SDK1: variants seen among roughly 807,000 people sequenced by gnomAD.
SDK1 encodes the protein protein sidekick-1.
A neutral mutation model predicts 245.5 loss-of-function variants in SDK1; 157 were observed. The observed-to-expected ratio is 0.64, with a 90% CI of 0.56 to 0.73. The LOEUF is 0.73. SDK1 is among the 30% of genes least tolerant of loss of function. The pLI, the probability that SDK1 is intolerant of heterozygous loss-of-function variation, is 0.00. For missense variants in SDK1, 3,583 were observed against 3,002.3 expected, an observed-to-expected ratio of 1.19 and a Z score of -4.52; for synonymous variants, 1,647 against 1,278.5, an observed-to-expected ratio of 1.29 and a Z score of -6.15.
At chr7:3,365,457 T>A (rs1781063898) in intron 1 of SDK1, among the ~76,000 whole-genome samples, 1 of 152,192 alleles carries the variant, frequency 6.6e-6, no homozygotes, top group African/African-American at 2.4e-5. Flanking sequence ...TTTGTATCAA[T>A]GTTTTCAATT....
intron 4 of SDK1, among the ~76,000 whole-genome samples, chr7:3,711,985 C>T (rs1483321747): frequency 1.3e-5 from 2 of 152,190 alleles, no homozygotes; most frequent in Non-Finnish European, 2.9e-5. Context: ...ATGGCATCTA[C>T]ACAGTAGGGT....
At chr7:3,560,452 G>A (rs559810854) in intron 1 of SDK1, among the ~76,000 whole-genome samples, 1 of 152,080 alleles carries the variant, frequency 6.6e-6, no homozygotes, top group Admixed American at 6.5e-5. Flanking sequence ...TATATCCAGT[G>A]TGTTGGATAG....
At chr7:3,918,070 G>T (rs1779447261) in intron 5 of SDK1, among the ~76,000 whole-genome samples, 1 of 152,178 alleles carries the variant, frequency 6.6e-6, no homozygotes, top group Non-Finnish European at 1.5e-5. Context: ...CAAAACAGAG[G>T]AACCTTTCTT....
At chr7:3,666,350 C>G (rs1274116702) in intron 4 of SDK1, among the ~76,000 whole-genome samples, 1 of 152,208 alleles carries the variant, frequency 6.6e-6, no homozygotes, top group East Asian at 1.9e-4. Context: ...TGTCATGGGA[C>G]TTTGCACATG....
intron 35 of SDK1, among the ~76,000 whole-genome samples, chr7:4,191,701 G>C (rs1352984588): frequency 6.6e-6 from 1 of 152,264 alleles, no homozygotes; most frequent in African/African-American, 2.4e-5. Flanking sequence ...CCTTCTCTGG[G>C]GTTGAGTCTG....
intron 1 of SDK1, among the ~76,000 whole-genome samples, chr7:3,440,978 A>G (rs956938940): frequency 1.3e-5 from 2 of 152,194 alleles, no homozygotes; most frequent in Non-Finnish European, 2.9e-5. Flanking sequence ...CAAGTGAGGG[A>G]TAGTTACACA....
chr7:4,145,576 C>T (rs567444481), intron 28 of SDK1, 146 bp from the exon 29 acceptor site: 408 of 659,028 alleles, frequency 6.2e-4, no homozygotes, highest in Non-Finnish European at 9.1e-4. Context: ...GCCATGAGAC[C>T]ACCCTTTCAG....
At chr7:3,673,593 C>G (rs542207441) in intron 4 of SDK1, among the ~76,000 whole-genome samples, 1 of 152,340 alleles carries the variant, frequency 6.6e-6, no homozygotes, top group South Asian at 2.1e-4. Context: ...TTGGTATAGA[C>G]TTACCCCTTT....
At chr7:4,191,966 C>G (rs1783234350) in intron 35 of SDK1, among the ~76,000 whole-genome samples, 1 of 152,232 alleles carries the variant, frequency 6.6e-6, no homozygotes, top group Admixed American at 6.5e-5. Flanking sequence ...GACCCCACCC[C>G]CAGGCCTCTC....
chr7:3,538,832 A>G (rs1229793288), intron 1 of SDK1, among the ~76,000 whole-genome samples: 4 of 152,216 alleles, frequency 2.6e-5, no homozygotes, highest in African/African-American at 9.6e-5. Flanking sequence ...ATTTTAAGTA[A>G]TAGAAGAGGG....
intron 35 of SDK1, among the ~76,000 whole-genome samples, chr7:4,200,077 A>G (rs558955489): frequency 6.6e-6 from 1 of 152,280 alleles, no homozygotes; most frequent in South Asian, 2.1e-4. Flanking sequence ...CCTCTGTGAC[A>G]GAGTGATACT....
rs1230421067 is a variant in SDK1 at position 4,265,891 on chromosome 7, C to T, written c.*507C>T. On this transcript the variant is annotated 3_prime_UTR_variant, in exon 45 of 45. Coordinates refer to ENST00000404826, the MANE Select transcript of SDK1 (RefSeq NM_152744.4). ...GGGTTTGAAGAGCAAACGTTTTTCCCTGGGCTCAGTGCGTTTTGTCCCAAC... is the reference window on the plus strand; with the variant it reads ...GGGTTTGAAGAGCAAACGTTTTTCCTTGGGCTCAGTGCGTTTTGTCCCAAC... 2.0e-6 allele frequency: 2 copies of T among 986,744 alleles called. No homozygotes were observed. The highest frequency in any genetic ancestry group is 1.2e-6 in the Non-Finnish European group (1 of 831,040). The allele number at this position is 986,744 out of a possible 1,614,324, so 61.1% of individuals were successfully genotyped here.
intron 4 of SDK1, among the ~76,000 whole-genome samples, chr7:3,670,883 C>G (rs184711169): frequency 1.2e-3 from 184 of 152,324 alleles, no homozygotes; most frequent in African/African-American, 4.0e-3. Flanking sequence ...CCCTTTTGTG[C>G]TCAGTTCAAG....
rs891352203 is a variant in SDK1 at position 3,814,188 on chromosome 7, A to G, written c.714-7262A>G. Among the ~76,000 whole-genome samples, 52 of 151,566 alleles carry G rather than the reference A, an allele frequency of 3.4e-4. No individual in the cohort carries two copies. In the Middle Eastern group the frequency reaches 0.01, roughly 30 times the overall value. ...TGTTTTGGACATAAAGTCCTTGCCC[A>G]TGCCTATGTCCTGAATGGTAATGCC... On this transcript the variant is annotated intron_variant, in intron 4 of 44. Coordinates refer to ENST00000404826, the MANE Select transcript of SDK1 (RefSeq NM_152744.4).
chr7:3,473,643 T>C (rs903825621), intron 1 of SDK1, among the ~76,000 whole-genome samples: 5 of 152,124 alleles, frequency 3.3e-5, no homozygotes, highest in African/African-American at 1.2e-4. Context: ...CTACCTTTTA[T>C]TTCCTGGGTC....
chr7:3,911,550 C>T (rs1284522642), intron 5 of SDK1, among the ~76,000 whole-genome samples: 2 of 152,182 alleles, frequency 1.3e-5, no homozygotes, highest in Non-Finnish European at 2.9e-5. Flanking sequence ...GGGCTCTGCC[C>T]TCCTGATCCA....
At chr7:3,312,445 T>A (rs117801406) in intron 1 of SDK1, among the ~76,000 whole-genome samples, 2,145 of 152,180 alleles carry the variant, frequency 0.014, 22 homozygotes, top group Middle Eastern at 0.048. Flanking sequence ...AGAGATTAAT[T>A]GCTTAAAATT....
chr7:3,983,062 T>C (rs1167476962), intron 13 of SDK1, among the ~76,000 whole-genome samples: 1 of 152,134 alleles, frequency 6.6e-6, no homozygotes, highest in Non-Finnish European at 1.5e-5. Context: ...ATGATCAAAC[T>C]TGTCCAGATG....
chr7:3,694,494 G>A (rs1200366221), intron 4 of SDK1, among the ~76,000 whole-genome samples: 2 of 152,092 alleles, frequency 1.3e-5, no homozygotes, highest in East Asian at 3.9e-4. Flanking sequence ...TCCAGGTAGT[G>A]AAATTAGAAA....
Sources: allele counts gnomAD v4.1 joint callset (sites outside exome capture counted in the v4.1 genomes callset), GRCh38; gene constraint gnomAD v4.1.1; transcripts MANE v1.5; gene names NCBI Gene and HGNC (gene_info 2026-07-23, HGNC 2026-07-21).